The following SLA2 variants were observed in gnomAD, a reference collection of about 807,000 sequenced individuals.
SLA2 encodes src-like-adapter 2.
Under a neutral mutation model 27.3 loss-of-function variants are expected in SLA2, and 22 were observed. The ratio of observed to expected loss-of-function variants is 0.81; its 90% CI spans 0.58 to 1.15. SLA2 has a LOEUF of 1.15. SLA2 is among the 50% of genes most tolerant of loss of function. The pLI, the probability that SLA2 is intolerant of heterozygous loss-of-function variation, is 0.00. For synonymous variants in SLA2, 131 were observed against 137.8 expected, an observed-to-expected ratio of 0.95 and a Z score of 0.34; for missense variants, 304 against 322.2, an observed-to-expected ratio of 0.94 and a Z score of 0.43.
chr20:36,618,716 A>G (rs1347545421), intron 5 of SLA2, among the ~76,000 whole-genome samples: 1 of 151,228 alleles, frequency 6.6e-6, no homozygotes, highest in Non-Finnish European at 1.5e-5. Context: ...GACCAGCCTG[A>G]CCAACAAGGC....
intron 1 of SLA2, among the ~76,000 whole-genome samples, chr20:36,643,938 C>T (rs1379506213): frequency 6.6e-6 from 1 of 151,852 alleles, no homozygotes. Flanking sequence ...GGCGACAGAG[C>T]GAGACTCTGT....
chr20:36,643,893 A>T (rs906255941), intron 1 of SLA2, among the ~76,000 whole-genome samples: 1 of 152,144 alleles, frequency 6.6e-6, no homozygotes, highest in African/African-American at 2.4e-5. Context: ...CAGGGGCTGC[A>T]GTGAGCCGAG....
intron 3 of SLA2, 96 bp downstream of exon 3, chr20:36,634,394 C>T (rs2039422649): frequency 1.1e-6 from 1 of 927,236 alleles, no homozygotes; most frequent in Non-Finnish European, 1.6e-6. Flanking sequence ...AGCGATTCTC[C>T]CACCTAAGCC....
At chr20:36,621,252 CTA>C in intron 5 of SLA2, 2 of 566,520 alleles carry the variant, frequency 3.5e-6, no homozygotes, top group Non-Finnish European at 6.8e-6. Context: ...GCGCTGGTAA[CTA>C]TGCTGGTGAT....
At chr20:36,621,157 G>C (rs1048157137) in intron 5 of SLA2, 2 of 440,026 alleles carry the variant, frequency 4.5e-6, no homozygotes, top group Admixed American at 2.5e-5. Context: ...CTGCTGTGGT[G>C]GTGGAGCAAG....
intron 5 of SLA2, among the ~76,000 whole-genome samples, chr20:36,626,068 C>T (rs2039333960): frequency 6.6e-6 from 1 of 151,712 alleles, no homozygotes. Flanking sequence ...AGTTCAAGAC[C>T]AGCCAGGGCA....
intron 6 of SLA2, 53 bp downstream of exon 6, chr20:36,615,172 C>G (rs1016347352): frequency 1.6e-4 from 252 of 1,612,004 alleles, no homozygotes; most frequent in Non-Finnish European, 2.0e-4. Flanking sequence ...CCACTGCCTG[C>G]TCCTCCCCAC....
chr20:36,619,252 G>A (rs981995088), intron 5 of SLA2, among the ~76,000 whole-genome samples: 6 of 147,816 alleles, frequency 4.1e-5, no homozygotes, highest in Non-Finnish European at 6.0e-5. Context: ...AAGGCTGGGT[G>A]CGGTGGCTCA....
At chr20:36,633,655 C>A in intron 3 of SLA2, 26 bp from the exon 4 acceptor site, 1 of 1,598,206 alleles carries the variant, frequency 6.3e-7, no homozygotes, top group Non-Finnish European at 8.6e-7. Flanking sequence ...AGTGGGGGCA[C>A]CTCTTTCAGA....
rs571712071 is a variant in SLA2 at position 36,621,123 on chromosome 20, G to A, written c.383-5749C>T. 6 of 391,030 alleles carry A rather than the reference G, an allele frequency of 1.5e-5. No individual in the cohort carries two copies. In the East Asian group the frequency reaches 3.0e-4, roughly 20 times the overall value. 24.2% of individuals were successfully genotyped at this position (391,030 alleles called of 1,614,324 possible). A position where few individuals can be genotyped will look rare whatever the true frequency, so the allele number is the denominator to read the frequency against. ...GTGATGGTGGCATCAATGATGGTGA[G>A]CCTGCTTATAGCAGTAGACGGGGCT... On this transcript the variant is annotated intron_variant, in intron 5 of 7. Coordinates refer to ENST00000262866, the MANE Select transcript of SLA2 (RefSeq NM_032214.4).
chr20:36,626,005 C>G (rs2039333219), intron 5 of SLA2, among the ~76,000 whole-genome samples: 1 of 152,114 alleles, frequency 6.6e-6, no homozygotes, highest in East Asian at 1.9e-4. Flanking sequence ...TGGGTCACGC[C>G]TGTAATCTGA....
intron 1 of SLA2, among the ~76,000 whole-genome samples, chr20:36,642,299 TGG>T (rs1278146995): frequency 8.2e-6 from 1 of 122,666 alleles, no homozygotes; most frequent in Non-Finnish European, 1.7e-5. Flanking sequence ...ATCTGAAAAA[TGG>T]GGATAACAAC....
intron 1 of SLA2, among the ~76,000 whole-genome samples, chr20:36,644,433 T>G (rs766829441): frequency 6.6e-6 from 1 of 151,966 alleles, no homozygotes; most frequent in Non-Finnish European, 1.5e-5. Flanking sequence ...TGGCACAGAG[T>G]GGGTGCTCAG....
rs187050326 is a variant in SLA2 at position 36,627,013 on chromosome 20, T to C, written c.382+5582A>G. Among the ~76,000 whole-genome samples the C allele has an allele frequency of 4.5e-4, 68 of 152,208 alleles. No individual in the cohort carries two copies. The East Asian group carries it at 0.01, about 23-fold the overall frequency. ...GCGATAGTCTGGGTAGGTGGTAGTC[T>C]GGGAAAGTCCCACTGGAAAGAATGG... On this transcript the variant is annotated intron_variant, in intron 5 of 7. Coordinates refer to ENST00000262866, the MANE Select transcript of SLA2 (RefSeq NM_032214.4).
In SLA2 at chr20:36,617,499, A is replaced by C. The variant is rs376532833; in HGVS notation, c.383-2125T>G. Among the ~76,000 whole-genome samples, 61 of 144,488 alleles carry C rather than the reference A, an allele frequency of 4.2e-4. No homozygotes were observed. The East Asian group carries it at 0.01, about 24-fold the overall frequency. 94.8% of individuals were successfully genotyped at this position (144,488 alleles called of 152,430 possible). ...CGGTGAGCCAAGATTGTGCCACTGC[A>C]CTCCAGTCTGGATGACAGAGTGAGA... On this transcript the variant is annotated intron_variant, in intron 5 of 7. Transcript: ENST00000262866.
At position 36,614,450 on chromosome 20, in the gene SLA2, C is replaced by G; in HGVS notation, c.533-13G>C. 1.8e-5 allele frequency: 29 copies of G among 1,595,394 alleles called. No individual in the cohort carries two copies. Among genetic ancestry groups the G allele is most frequent in the Non-Finnish European group, 2.5e-5 (29 of 1,170,018 alleles). On this transcript the variant is annotated splice_polypyrimidine_tract_variant and intron_variant, in intron 6 of 7. Coordinates refer to ENST00000262866, the MANE Select transcript of SLA2 (RefSeq NM_032214.4). ...TCATCCGCCAGCTCTGAGGAAGAGA[C>G]CTCCATCCCTGACATGACTGACTCC...
rs1333955697 is a variant in SLA2, at chr20:36,612,507, C to T, written c.*1359G>A. ...ACATGCAGCATCTAATAAGAGTTTC[C>T]ATTGTAGAATGTTTTCACATACTTG... On this transcript the variant is annotated 3_prime_UTR_variant, in exon 8 of 8. Coordinates refer to ENST00000262866, the MANE Select transcript of SLA2 (RefSeq NM_032214.4). 1.3e-5 allele frequency: 6 copies of T among 451,292 alleles called. No individual in the cohort carries two copies. The highest frequency in any genetic ancestry group is 1.2e-4 in the East Asian group (3 of 24,340). The allele number at this position is 451,292 out of a possible 1,614,324, so 28.0% of individuals were successfully genotyped here. A position where few individuals can be genotyped will look rare whatever the true frequency, so the allele number is the denominator to read the frequency against.
At chr20:36,627,993 G>A (rs1047742752) in intron 5 of SLA2, among the ~76,000 whole-genome samples, 1 of 152,164 alleles carries the variant, frequency 6.6e-6, no homozygotes, top group African/African-American at 2.4e-5. Context: ...TACGACAAGA[G>A]CATAATGTAA....
intron 5 of SLA2, among the ~76,000 whole-genome samples, chr20:36,625,266 A>G (rs947744001): frequency 8.8e-6 from 1 of 113,432 alleles, no homozygotes; most frequent in Non-Finnish European, 1.7e-5. Context: ...CTTGTTGCCC[A>G]GCCTGGAACA....
Sources: allele counts gnomAD v4.1 joint callset (sites outside exome capture counted in the v4.1 genomes callset), GRCh38; gene constraint gnomAD v4.1.1; transcripts MANE v1.5; gene names NCBI Gene and HGNC (gene_info 2026-07-23, HGNC 2026-07-21).